Variants in SNAPC1 observed in about 807,000 individuals in gnomAD.
SNAPC1 encodes the protein snRNA-activating protein complex subunit 1.
A neutral mutation model predicts 50.1 loss-of-function variants in SNAPC1; 42 were observed. That is an observed-to-expected ratio of 0.84 (90% CI 0.65 to 1.08). The LOEUF (loss-of-function observed/expected upper bound fraction) is 1.08. Among genes scored for constraint, SNAPC1 ranks in the 50% least tolerant of loss-of-function variants. SNAPC1 has a pLI of 0.00. For synonymous variants in SNAPC1, 164 were observed against 144.2 expected, an observed-to-expected ratio of 1.14 and a Z score of -0.98; for missense variants, 477 against 427.3, an observed-to-expected ratio of 1.12 and a Z score of -1.02.
rs963730743 is a variant in SNAPC1 at position 61,794,976 on chromosome 14, A to G, written c.1100A>G (p.Lys367Arg). ...TTCACTGCATCCAAGAAGAGGAGAA[A>G]ACACTGAACAAAGAGCCTGGTGTAG... ...TEFTASKKRR[K>R]H Residue 367 changes from lysine to arginine, a missense_variant, in exon 10 of 10, where the codon AAA becomes AGA. Coordinates refer to ENST00000216294, the MANE Select transcript of SNAPC1 (RefSeq NM_003082.4). 3.2e-6 allele frequency: 5 copies of G among 1,576,388 alleles called. No homozygotes were observed. The African/African-American group carries it at 5.5e-5, about 17-fold the overall frequency.
chr14:61,778,134 A>G lies in SNAPC1; in HGVS notation c.756A>G (p.Glu252=), dbSNP rs150069163. ...GEEKMEGNSQ[E]TERCERAESL... ...AAAAAATGGAAGGAAATTCACAAGA[A>G]ACGGAGGTCAGAAAACTTTGCAATT... The change falls in exon 6 of 10, where the codon GAA becomes GAG. Residue 252 remains glutamate (E), a synonymous_variant. Transcript: ENST00000216294. 1.7e-4 allele frequency: 274 copies of G among 1,598,624 alleles called. 1 individual carries two copies. The African/African-American group carries it at 3.1e-3, about 18-fold the overall frequency.
chr14:61,781,983 C>T (rs1014909783), intron 7 of SNAPC1, among the ~76,000 whole-genome samples: 1 of 152,112 alleles, frequency 6.6e-6, no homozygotes, highest in Non-Finnish European at 1.5e-5. Flanking sequence ...CCTAACCATG[C>T]CAGATAATAG....
chr14:61,776,008 T>C, intron 4 of SNAPC1, 87 bp from the exon 5 acceptor site: 1 of 1,003,146 alleles, frequency 1.0e-6, no homozygotes, highest in Non-Finnish European at 1.5e-6. Flanking sequence ...GGAAGTCACT[T>C]TGGAAGGTGA....
At chr14:61,793,789 T>A (rs2045169510) in intron 9 of SNAPC1, among the ~76,000 whole-genome samples, 1 of 151,756 alleles carries the variant, frequency 6.6e-6, no homozygotes, top group Admixed American at 6.6e-5. Flanking sequence ...CCCAAGTAGC[T>A]GGGATTACAG....
rs1345325055 is a variant in SNAPC1 at position 61,782,230 on chromosome 14, G to T, written c.826-17G>T. On this transcript the variant is annotated splice_polypyrimidine_tract_variant and intron_variant, in intron 7 of 9. Transcript: ENST00000216294. Reference sequence around the variant, plus strand: ...TCATTTTATAATTTATTGGTTAATTGGATTGTAACTCTTAAGGCATCCAAA... The same window carrying T: ...TCATTTTATAATTTATTGGTTAATTTGATTGTAACTCTTAAGGCATCCAAA... 1.3e-6 allele frequency: 2 copies of T among 1,531,418 alleles called. No individual in the cohort carries two copies. Among genetic ancestry groups the T allele is most frequent in the Non-Finnish European group, 1.8e-6 (2 of 1,137,550 alleles). The allele number at this position is 1,531,418 out of a possible 1,614,324, so 94.9% of individuals were successfully genotyped here.
At chr14:61,775,282 T>A (rs2045026281) in intron 4 of SNAPC1, among the ~76,000 whole-genome samples, 1 of 151,922 alleles carries the variant, frequency 6.6e-6, no homozygotes. Context: ...AGATGGAGTC[T>A]TGCTCTGTTA....
At chr14:61,764,800 T>A (rs1041183279) in intron 1 of SNAPC1, among the ~76,000 whole-genome samples, 5 of 152,226 alleles carry the variant, frequency 3.3e-5, no homozygotes, top group African/African-American at 1.2e-4. Flanking sequence ...GAAATTACTT[T>A]GGTTACCGTA....
chr14:61,767,046 G>T lies in SNAPC1; in HGVS notation c.288+11G>T, dbSNP rs1338529548. The T allele has an allele frequency of 1.3e-6, 2 of 1,481,478 alleles. No homozygotes were observed. The highest frequency in any genetic ancestry group is 2.4e-5 in the East Asian group (1 of 42,290). The allele number at this position is 1,481,478 out of a possible 1,614,324, so 91.8% of individuals were successfully genotyped here. A position where few individuals can be genotyped will look rare whatever the true frequency, so the allele number is the denominator to read the frequency against. On this transcript the variant is annotated intron_variant, in intron 2 of 9. Transcript: ENST00000216294. The stretch of plus-strand genomic sequence containing the variant: ...CAACCAAAACAAAAGGTAATACTTA[G>T]TGAGTTATTTTTCCTTAGCAGAAAT...
chr14:61,792,690 T>G, intron 8 of SNAPC1, 117 bp from the exon 9 acceptor site: 1 of 510,792 alleles, frequency 2.0e-6, no homozygotes, highest in South Asian at 3.3e-5. Flanking sequence ...CCATTACAGT[T>G]TCAGTTTTTA....
chr14:61,769,129 G>A (rs891547744), intron 4 of SNAPC1, among the ~76,000 whole-genome samples: 2 of 152,104 alleles, frequency 1.3e-5, no homozygotes, highest in Non-Finnish European at 2.9e-5. Context: ...GGAGGCCGAG[G>A]TGGGTGGATC....
In SNAPC1 at chr14:61,789,269, T is replaced by C. The variant is rs189008941; in HGVS notation, c.977-3538T>C. 2.1e-4 allele frequency among the ~76,000 whole-genome samples: 31 copies of C among 151,134 alleles called. No homozygotes were observed. In the East Asian group the frequency reaches 5.6e-3, roughly 27 times the overall value. On this transcript the variant is annotated intron_variant, in intron 8 of 9. Transcript: ENST00000216294. ...AAAGGCTAGGGAAAGCTCTGTATTA[T>C]GAAAGTATATCCAAAATATATCGAC...
At chr14:61,792,107 G>GAGA (rs1555342327) in intron 8 of SNAPC1, among the ~76,000 whole-genome samples, 1 of 114,336 alleles carries the variant, frequency 8.7e-6, no homozygotes, top group African/African-American at 3.1e-5. Flanking sequence ...CATTAAAAAA[G>GAGA]AAAAAAAAAA....
intron 8 of SNAPC1, among the ~76,000 whole-genome samples, chr14:61,789,781 A>C (rs1030061765): frequency 2.6e-5 from 4 of 152,198 alleles, no homozygotes; most frequent in African/African-American, 9.7e-5. Context: ...TTACACTTCA[A>C]TTGGTAGGCA....
intron 8 of SNAPC1, among the ~76,000 whole-genome samples, chr14:61,788,126 C>T (rs1379124433): frequency 6.6e-6 from 1 of 152,102 alleles, no homozygotes; most frequent in Admixed American, 6.6e-5. Flanking sequence ...AGGACAGGCT[C>T]TATAGTACAT....
At chr14:61,778,979 A>T (rs1305571310) in intron 7 of SNAPC1, 69 bp downstream of exon 7, 2 of 878,964 alleles carry the variant, frequency 2.3e-6, no homozygotes, top group East Asian at 5.0e-5. Flanking sequence ...ATTTTTCATC[A>T]AAGTAGTAAT....
intron 8 of SNAPC1, among the ~76,000 whole-genome samples, chr14:61,790,452 C>T (rs2045143849): frequency 6.6e-6 from 1 of 152,210 alleles, no homozygotes; most frequent in Admixed American, 6.5e-5. Flanking sequence ...TCTTCTGCCT[C>T]AGCCTCCCCA....
intron 7 of SNAPC1, 137 bp from the exon 8 acceptor site, chr14:61,782,110 G>A (rs562740145): frequency 4.9e-6 from 3 of 617,250 alleles, no homozygotes; most frequent in Non-Finnish European, 8.0e-6. Flanking sequence ...GCCAGCCAGG[G>A]GTAATAGTAA....
intron 7 of SNAPC1, 133 bp downstream of exon 7, chr14:61,779,043 C>T: frequency 3.6e-6 from 2 of 548,108 alleles, no homozygotes; most frequent in Non-Finnish European, 6.4e-6. Context: ...TATAGCACAA[C>T]AGTCCCCTTC....
intron 4 of SNAPC1, among the ~76,000 whole-genome samples, chr14:61,770,575 G>A (rs1275865057): frequency 6.6e-6 from 1 of 152,048 alleles, no homozygotes; most frequent in Non-Finnish European, 1.5e-5. Context: ...CAGCCTGTCA[G>A]GTTGTTTGTA....
Sources: allele counts gnomAD v4.1 joint callset (sites outside exome capture counted in the v4.1 genomes callset), GRCh38; gene constraint gnomAD v4.1.1; transcripts MANE v1.5; gene names NCBI Gene and HGNC (gene_info 2026-07-23, HGNC 2026-07-21).